The following CTNNA3 variants were observed in gnomAD, a reference collection of about 807,000 sequenced individuals.
The protein encoded by CTNNA3 is catenin alpha 3, also known as catenin alpha-3.
A neutral mutation model predicts 95.7 loss-of-function variants in CTNNA3; 76 were observed. The observed-to-expected ratio is 0.79, with a 90% confidence interval of 0.66 to 0.96. The LOEUF is 0.96. Ranked by LOEUF, CTNNA3 falls within the 40% of genes least tolerant of loss-of-function variation. CTNNA3 has a pLI of 0.00. For synonymous variants in CTNNA3, 431 were observed against 374.4 expected (o/e 1.15, Z -1.74); for missense variants, 1,191 against 1,089.8 (o/e 1.09, Z -1.31).
chr10:66,430,964 G>A (rs2093289760), intron 11 of CTNNA3, among the ~76,000 whole-genome samples: 1 of 151,908 alleles, frequency 6.6e-6, no homozygotes, highest in Admixed American at 6.6e-5. Flanking sequence ...GAGTGAACAG[G>A]CAACCTACAG....
At chr10:66,233,585 C>T (rs1269690945) in intron 13 of CTNNA3, among the ~76,000 whole-genome samples, 1 of 152,018 alleles carries the variant, frequency 6.6e-6, no homozygotes, top group East Asian at 1.9e-4. Flanking sequence ...CCATATTTAT[C>T]AAGAAAATGC....
intron 7 of CTNNA3, among the ~76,000 whole-genome samples, chr10:66,906,648 TG>T (rs1845999610): frequency 6.6e-6 from 1 of 152,114 alleles, no homozygotes; most frequent in African/African-American, 2.4e-5. Flanking sequence ...TGACAGTGTG[TG>T]TGTGTGTTTG....
intron 15 of CTNNA3, among the ~76,000 whole-genome samples, chr10:65,990,839 G>A (rs1370483341): frequency 1.3e-5 from 2 of 151,718 alleles, no homozygotes; most frequent in African/African-American, 4.8e-5. Flanking sequence ...TCTTCGTCTA[G>A]ACCAATGACC....
At position 67,228,538 on chromosome 10, in the gene CTNNA3, G is replaced by A. The variant is rs551019944; in HGVS notation, c.580-8668C>T. On this transcript the variant is annotated intron_variant, in intron 5 of 17. Transcript: ENST00000433211. The stretch of plus-strand genomic sequence containing the variant: ...TGAGGCAGGAGAATCGCTTGAAACC[G>A]GAAGGTGGAAGTTGCAGTGGGCTGA... Among the ~76,000 whole-genome samples the A allele has an allele frequency of 7.2e-5, 11 of 152,178 alleles. No individual in the cohort carries two copies. In the South Asian group the frequency reaches 8.3e-4, roughly 11 times the overall value.
intron 9 of CTNNA3, among the ~76,000 whole-genome samples, chr10:66,624,341 T>C (rs1226609092): frequency 6.6e-6 from 1 of 152,142 alleles, no homozygotes; most frequent in African/African-American, 2.4e-5. Context: ...TGAAGCCTGG[T>C]GGCCCTCACC....
At chr10:67,226,942 G>T (rs923427376) in intron 5 of CTNNA3, among the ~76,000 whole-genome samples, 2 of 152,152 alleles carry the variant, frequency 1.3e-5, no homozygotes, top group African/African-American at 4.8e-5. Flanking sequence ...AAAAGATACA[G>T]AACCACAGAA....
intron 7 of CTNNA3, among the ~76,000 whole-genome samples, chr10:66,909,934 G>A (rs1846150745): frequency 1.3e-5 from 2 of 152,212 alleles, no homozygotes; most frequent in Admixed American, 6.5e-5. Context: ...AGAGATGAAT[G>A]AAACACCACA....
At chr10:66,529,442 T>TTCTTG (rs1554812153) in intron 10 of CTNNA3, among the ~76,000 whole-genome samples, 12 of 81,350 alleles carry the variant, frequency 1.5e-4, no homozygotes, top group African/African-American at 6.1e-4. Flanking sequence ...AAACAGTGTT[T>TTCTTG]TTTTTTTGTT....
At chr10:66,042,591 A>T (rs943805143) in intron 15 of CTNNA3, among the ~76,000 whole-genome samples, 1 of 151,980 alleles carries the variant, frequency 6.6e-6, no homozygotes, top group Non-Finnish European at 1.5e-5. Flanking sequence ...GAGAAATAGA[A>T]GTAGTATTAA....
At chr10:67,069,026 T>G (rs963035362) in intron 7 of CTNNA3, among the ~76,000 whole-genome samples, 1 of 149,880 alleles carries the variant, frequency 6.7e-6, no homozygotes, top group Non-Finnish European at 1.5e-5. Context: ...TGAACTCCAC[T>G]CTGGGCAACA....
At chr10:67,301,036 T>G (rs908771900) in intron 5 of CTNNA3, among the ~76,000 whole-genome samples, 2 of 152,204 alleles carry the variant, frequency 1.3e-5, no homozygotes, top group African/African-American at 4.8e-5. Context: ...AGTAAAATAC[T>G]TTTATACACT....
At chr10:67,226,465 T>C (rs1380377555) in intron 5 of CTNNA3, among the ~76,000 whole-genome samples, 3 of 152,182 alleles carry the variant, frequency 2.0e-5, no homozygotes, top group African/African-American at 7.2e-5. Flanking sequence ...TCTTAAGAGC[T>C]GTGAGACAGA....
rs539038754 is a variant in CTNNA3 at position 66,087,639 on chromosome 10, C to T, written c.1977+15518G>A. Among the ~76,000 whole-genome samples the T allele has an allele frequency of 5.3e-5, 8 of 152,240 alleles. No homozygotes were observed. The East Asian group carries it at 1.2e-3, about 22-fold the overall frequency. ...TACGGAGCCAGTGATCTCTGGAGTGCTTGGTTGACTCTTTTGTTTTCAGTC... is the reference window on the plus strand; with the variant it reads ...TACGGAGCCAGTGATCTCTGGAGTGTTTGGTTGACTCTTTTGTTTTCAGTC... On this transcript the variant is annotated intron_variant, in intron 14 of 17. Transcript: ENST00000433211.
chr10:67,365,772 T>C (rs1843190049), intron 5 of CTNNA3, among the ~76,000 whole-genome samples: 1 of 152,216 alleles, frequency 6.6e-6, no homozygotes, highest in Admixed American at 6.5e-5. Context: ...TTTTACACTG[T>C]TGATGGGAGT....
chr10:66,873,569 G>T (rs1333211266), intron 7 of CTNNA3, among the ~76,000 whole-genome samples: 1 of 151,576 alleles, frequency 6.6e-6, no homozygotes, highest in Non-Finnish European at 1.5e-5. Flanking sequence ...GAGTAATTTG[G>T]TTTTTGCTTG....
chr10:67,062,992 G>A (rs964497447), intron 7 of CTNNA3, among the ~76,000 whole-genome samples: 6 of 151,610 alleles, frequency 4.0e-5, no homozygotes, highest in African/African-American at 1.2e-4. Flanking sequence ...TCTGATCGTT[G>A]TCTTTTAGGC....
intron 1 of CTNNA3, among the ~76,000 whole-genome samples, chr10:67,737,122 C>T (rs991162608): frequency 4.6e-5 from 7 of 151,974 alleles, no homozygotes; most frequent in Non-Finnish European, 8.8e-5. Flanking sequence ...CACCACCACA[C>T]CGGGCTAATT....
rs556044508 is a variant in CTNNA3, at chr10:66,686,876, T to TAAAC, written c.1282-65093_1282-65092insGTTT. Among the ~76,000 whole-genome samples the TAAAC allele has an allele frequency of 4.5e-4, 68 of 152,300 alleles. 1 individual carries two copies. In the South Asian group the frequency reaches 0.013, roughly 29 times the overall value. ...AAACCAATAAATCTCTGTGATTTGC[T>TAAAC]TTAGTTTGAGTTGTTGTTGTTTTTT... On this transcript the variant is annotated intron_variant, in intron 9 of 17. Transcript: ENST00000433211.
chr10:66,545,517 C>G (rs1461424492), intron 10 of CTNNA3, among the ~76,000 whole-genome samples: 1 of 151,988 alleles, frequency 6.6e-6, no homozygotes, highest in Non-Finnish European at 1.5e-5. Context: ...TTTTCTCATT[C>G]CTATATGCAT....
Sources: gnomAD v4.1 joint callset for allele counts (sites outside exome capture counted in the v4.1 genomes callset) on GRCh38, gnomAD v4.1.1 for gene constraint, MANE v1.5 for transcripts, NCBI Gene and HGNC (gene_info 2026-07-23, HGNC 2026-07-21) for gene names.